The following AMOT variants were observed in gnomAD, a reference collection of about 807,000 sequenced individuals.
AMOT encodes angiomotin.
A neutral mutation model predicts 67.0 loss-of-function variants in AMOT; 11 were observed. The observed-to-expected ratio is 0.16, with a 90% CI of 0.10 to 0.27. AMOT has a LOEUF of 0.27. Among genes scored for constraint, AMOT ranks in the 10% least tolerant of loss-of-function variants. The pLI is 1.00. For missense variants in AMOT, 753 were observed against 852.0 expected (o/e 0.88, Z 1.45); for synonymous variants, 326 against 321.4 (o/e 1.01, Z -0.15).
intron 2 of AMOT, among the ~76,000 whole-genome samples, chrX:112,830,162 T>C (rs1281146333): frequency 8.9e-6 from 1 of 112,059 alleles, no homozygotes; most frequent in Non-Finnish European, 1.9e-5. Flanking sequence ...ACTTAAGCAC[T>C]GTTAACATTA....
chrX:112,833,976 G>A (rs1229622483), intron 1 of AMOT, among the ~76,000 whole-genome samples: 1 of 112,312 alleles, frequency 8.9e-6, no homozygotes, highest in Non-Finnish European at 1.9e-5. Context: ...AATGGGGAAG[G>A]TTTTAATTGA....
chrX:112,776,115 G>C lies in AMOT; in HGVS notation c.*2452C>G, dbSNP rs1248228570. 8.9e-6 allele frequency: 1 copy of C among 112,020 alleles called. No homozygotes were observed. Among genetic ancestry groups the C allele is most frequent in the Non-Finnish European group, 1.9e-5 (1 of 53,265 alleles). The allele number at this position is 112,020 out of a possible 1,213,427, so 9.2% of individuals were successfully genotyped here. On this transcript the variant is annotated 3_prime_UTR_variant, in exon 14 of 14. Coordinates refer to ENST00000371959, the MANE Select transcript of AMOT (RefSeq NM_001113490.2). ...GAAGAACTGTCTCTGGTGTGAGAGG[G>C]TTCTGGAAAGTTCAAAATAGTACTC...
chrX:112,819,777 T>A (rs1934666606), intron 4 of AMOT, among the ~76,000 whole-genome samples: 1 of 112,322 alleles, frequency 8.9e-6, no homozygotes, highest in Non-Finnish European at 1.9e-5. Flanking sequence ...TAACAGCAAA[T>A]CTCCAGCAGT....
chrX:112,814,170 G>C (rs1467716985), intron 5 of AMOT, among the ~76,000 whole-genome samples: 1 of 110,507 alleles, frequency 9.0e-6, no homozygotes, highest in Non-Finnish European at 1.9e-5. Flanking sequence ...TACTCAGGAG[G>C]CTGAGGCAGG....
chrX:112,805,259 CTTGT>C (rs1256058590), intron 7 of AMOT, among the ~76,000 whole-genome samples, 167 bp from the exon 8 acceptor site: 2 of 110,586 alleles, frequency 1.8e-5, no homozygotes, highest in Non-Finnish European at 3.8e-5. Flanking sequence ...CTCTCACTAA[CTTGT>C]TGTAGAAATT....
At chrX:112,796,104 T>C (rs1383559443) in intron 8 of AMOT, among the ~76,000 whole-genome samples, 2 of 111,064 alleles carry the variant, frequency 1.8e-5, no homozygotes, top group African/African-American at 6.6e-5. Context: ...CCCAAATTGG[T>C]TGTGAATCAG....
At chrX:112,816,128 C>T (rs1273933879) in intron 4 of AMOT, among the ~76,000 whole-genome samples, 1 of 111,709 alleles carries the variant, frequency 9.0e-6, no homozygotes, top group African/African-American at 3.3e-5. Flanking sequence ...AGGGTCAGAA[C>T]CAGACAACTT....
chrX:112,840,096 A>C (rs762064966), intron 1 of AMOT, among the ~76,000 whole-genome samples: 1 of 111,570 alleles, frequency 9.0e-6, no homozygotes. Context: ...AAGCACTGAC[A>C]TGCATGCTGG....
chrX:112,815,639 G>C lies in AMOT; in HGVS notation c.1111C>G (p.Gln371Glu), dbSNP rs918027527. The C allele has an allele frequency of 5.0e-6, 6 of 1,192,694 alleles. No homozygotes were observed. The highest frequency in any genetic ancestry group is 6.8e-6 in the Non-Finnish European group (6 of 886,925). Residue 371 changes from glutamine to glutamate, a missense_variant, in exon 5 of 14, where the codon CAA becomes GAA. Physicochemically the swap from Gln to Glu is conservative, Grantham distance 29. Coordinates refer to ENST00000371959, the MANE Select transcript of AMOT (RefSeq NM_001113490.2). Reference sequence around the variant, plus strand: ...TGCTGCTGCTGACTCAGGCCAGGTTGGGAGAGACGGTAATGATCCCCCTGG... The same window carrying C: ...TGCTGCTGCTGACTCAGGCCAGGTTCGGAGAGACGGTAATGATCCCCCTGG... The part of the protein sequence containing the change: ...AHQGDHYRLS[Q>E]PGLSQQQQQQ...
At chrX:112,806,617 A>G (rs1934199299) in intron 7 of AMOT, among the ~76,000 whole-genome samples, 1 of 110,917 alleles carries the variant, frequency 9.0e-6, no homozygotes, top group Non-Finnish European at 1.9e-5. Flanking sequence ...AGTATGAGAC[A>G]GTAGCCAAAA....
Position 112,779,299 on chromosome X carries a change from G to A in AMOT, c.2855C>T (p.Ser952Phe). ...AAAGQIPAAA[S>F]VASAAAVAPS... ...AGCAACGGCAGCAGCTGAGGCAACA[G>A]AGGCAGCAGCTGGAATCTGACCAGC... The change falls in exon 13 of 14, where the codon TCT (serine) becomes TTT (phenylalanine). Residue 952 changes from serine (S) to phenylalanine (F), a missense_variant. Ser to Phe is a radical substitution (Grantham distance 155). Coordinates refer to ENST00000371959, the MANE Select transcript of AMOT (RefSeq NM_001113490.2). 1.4e-6 allele frequency: 1 copy of A among 690,229 alleles called. No individual in the cohort carries two copies. The highest frequency in any genetic ancestry group is 2.3e-6 in the Non-Finnish European group (1 of 435,660). The allele number at this position is 690,229 out of a possible 1,213,427, so 56.9% of individuals were successfully genotyped here.
chrX:112,782,056 T>C (rs1933197468), intron 11 of AMOT, among the ~76,000 whole-genome samples: 1 of 111,350 alleles, frequency 9.0e-6, no homozygotes, highest in African/African-American at 3.3e-5. Flanking sequence ...ACCTGGCTAA[T>C]TTTTGTATTT....
At chrX:112,812,853 A>G (rs5974283) in intron 5 of AMOT, among the ~76,000 whole-genome samples, 18,608 of 111,517 alleles carry the variant, frequency 0.17, 1,509 homozygotes, top group African/African-American at 0.31. Context: ...ATTCTGCCAG[A>G]GACAGGACTG....
intron 1 of AMOT, among the ~76,000 whole-genome samples, chrX:112,834,474 A>T (rs1935084065): frequency 8.9e-6 from 1 of 111,833 alleles, no homozygotes; most frequent in Non-Finnish European, 1.9e-5. Flanking sequence ...TGTGACACCA[A>T]TAAGAAGAAG....
At chrX:112,818,392 G>A in intron 4 of AMOT, among the ~76,000 whole-genome samples, 1 of 111,516 alleles carries the variant, frequency 9.0e-6, no homozygotes, top group Non-Finnish European at 1.9e-5. Context: ...GAGGTCTCTG[G>A]GGTCAGATAA....
Position 112,779,248 on chromosome X carries a change from ACAGCAGCAG to A in AMOT, c.2897_2905del (p.Ala966_Ala968del), listed in dbSNP as rs749110842. The A allele has an allele frequency of 3.1e-6, 2 of 651,661 alleles. No homozygotes were observed. The highest frequency in any genetic ancestry group is 5.1e-6 in the Non-Finnish European group (2 of 391,023). 53.7% of individuals were successfully genotyped at this position (651,661 alleles called of 1,213,427 possible). On this transcript the variant is annotated inframe_deletion, in exon 13 of 14. Transcript: ENST00000371959. The stretch of plus-strand genomic sequence containing the variant: ...AGCCGGAGCAGCTGGAGCAACCTGA[ACAGCAGCAG>A]CAGCAGCAGCAGAAGGAGCAACGGC...
chrX:112,810,831 T>C (rs1934339279), intron 6 of AMOT, among the ~76,000 whole-genome samples: 1 of 111,567 alleles, frequency 9.0e-6, no homozygotes, highest in Non-Finnish European at 1.9e-5. Context: ...TTCAATATTA[T>C]CAGGTGAAAG....
At chrX:112,813,725 G>A (rs889325273) in intron 5 of AMOT, among the ~76,000 whole-genome samples, 2 of 111,735 alleles carry the variant, frequency 1.8e-5, no homozygotes, top group African/African-American at 6.5e-5. Flanking sequence ...TCAAAGATGG[G>A]CTGGGATCAC....
At chrX:112,809,771 A>G (rs1397594096) in intron 7 of AMOT, 123 bp downstream of exon 7, 2 of 551,985 alleles carry the variant, frequency 3.6e-6, no homozygotes, top group South Asian at 3.5e-5. Flanking sequence ...AGGAAAAACA[A>G]TCCTTAGGTG....
Sources: gnomAD v4.1 joint callset for allele counts (sites outside exome capture counted in the v4.1 genomes callset) on GRCh38, gnomAD v4.1.1 for gene constraint, MANE v1.5 for transcripts, NCBI Gene and HGNC (gene_info 2026-07-23, HGNC 2026-07-21) for gene names.